The following NTRK1 variants were observed in gnomAD, a reference collection of about 807,000 sequenced individuals.
NTRK1 encodes high affinity nerve growth factor receptor.
A neutral mutation model predicts 86.8 loss-of-function variants in NTRK1; 62 were observed. That is an observed-to-expected ratio of 0.71 (90% CI 0.58 to 0.88). NTRK1 has a LOEUF of 0.88. Among genes scored for constraint, NTRK1 ranks in the 40% least tolerant of loss-of-function variants. NTRK1 has a pLI of 0.00. For missense variants in NTRK1, 967 were observed against 1,078.4 expected (o/e 0.90, Z 1.45); for synonymous variants, 469 against 456.6 (o/e 1.03, Z -0.35).
At chr1:156,836,911 T>C (rs1207861272) in intron 1 of NTRK1, among the ~76,000 whole-genome samples, 2 of 152,148 alleles carry the variant, frequency 1.3e-5, no homozygotes, top group Non-Finnish European at 2.9e-5. Context: ...GGAGTCTAGA[T>C]CTCCTGGCTT....
intron 1 of NTRK1, among the ~76,000 whole-genome samples, chr1:156,822,963 A>C (rs1654227235): frequency 6.6e-6 from 1 of 152,226 alleles, no homozygotes; most frequent in African/African-American, 2.4e-5. Context: ...TGATGATCCC[A>C]GCCAGTATAG....
intron 6 of NTRK1, among the ~76,000 whole-genome samples, chr1:156,870,565 G>A (rs1366091245): frequency 6.6e-6 from 1 of 152,162 alleles, no homozygotes; most frequent in Admixed American, 6.5e-5. Flanking sequence ...CGAAGTGGCT[G>A]GAACCCAGAG....
intron 2 of NTRK1, among the ~76,000 whole-genome samples, chr1:156,855,212 T>TATCTATC (rs60194471): frequency 0.074 from 2,116 of 28,428 alleles, 17 homozygotes; most frequent in African/African-American, 0.1. Context: ...ATCTATCTAT[T>TATCTATC]TATTTATTTG....
chr1:156,876,198 G>T lies in NTRK1; in HGVS notation c.1620G>T (p.Leu540=), dbSNP rs758492780. The change falls in exon 13 of 17, where the codon CTG becomes CTT. Residue 540 remains leucine (L), a synonymous_variant. Coordinates refer to ENST00000524377, the MANE Select transcript of NTRK1 (RefSeq NM_002529.4). ...TCCTGCCTGAGCAGGACAAGATGCT[G>T]GTGGCTGTCAAGGTGAGACCCTGCC... The part of the protein sequence containing the change: ...HNLLPEQDKM[L]VAVKALKEAS... 7 of 1,613,986 alleles carry T rather than the reference G, an allele frequency of 4.3e-6. No homozygotes were observed. Among genetic ancestry groups the T allele is most frequent in the Non-Finnish European group, 5.9e-6 (7 of 1,180,030 alleles).
At chr1:156,819,729 G>C (rs2102831782) in intron 1 of NTRK1, among the ~76,000 whole-genome samples, 1 of 152,000 alleles carries the variant, frequency 6.6e-6, no homozygotes, top group East Asian at 1.9e-4. Context: ...ATGTTGGTCA[G>C]GCTGGTCTGG....
At chr1:156,858,034 T>C (rs1460875218), upstream of NTRK1, among the ~76,000 whole-genome samples, 1 of 152,128 alleles carries the variant, frequency 6.6e-6, no homozygotes, top group Admixed American at 6.5e-5. Context: ...CTGTAGGGAT[T>C]GGGCCCTAAG....
intron 1 of NTRK1, among the ~76,000 whole-genome samples, chr1:156,817,262 C>T (rs954996856): frequency 7.2e-5 from 11 of 151,858 alleles, no homozygotes; most frequent in Admixed American, 1.3e-4. Context: ...GTGGGTCAGA[C>T]TTCTGGAAGG....
rs749041981 is a variant in NTRK1, at chr1:156,881,634, C to T, written c.2383C>T (p.Leu795=). The T allele has an allele frequency of 3.7e-6, 6 of 1,606,066 alleles. No individual in the cohort carries two copies. Among genetic ancestry groups the T allele is most frequent in the Admixed American group, 3.4e-5 (2 of 59,046 alleles). The change falls in exon 17 of 17, where the codon CTG becomes TTG. Residue 795 remains leucine (L), a synonymous_variant. Coordinates refer to ENST00000524377, the MANE Select transcript of NTRK1 (RefSeq NM_002529.4). ...AQAPPVYLDV[L]G ...GGCACCTCCTGTCTACCTGGATGTCCTGGGCTAGGGGGCCGGCCCAGGGGC... is the reference window on the plus strand; with the variant it reads ...GGCACCTCCTGTCTACCTGGATGTCTTGGGCTAGGGGGCCGGCCCAGGGGC...
intron 1 of NTRK1, among the ~76,000 whole-genome samples, chr1:156,833,961 G>C (rs183706911): frequency 3.7e-4 from 57 of 152,264 alleles, no homozygotes; most frequent in Admixed American, 2.6e-3. Flanking sequence ...CCCCAGCCTA[G>C]GGGAGTTAGC....
upstream of NTRK1, chr1:156,860,748 G>T (rs1655598041): frequency 8.9e-7 from 1 of 1,124,616 alleles, no homozygotes; most frequent in Non-Finnish European, 1.2e-6. Flanking sequence ...AGAGGGGGGG[G>T]CGTCAGAGAG....
intron 7 of NTRK1, among the ~76,000 whole-genome samples, chr1:156,872,822 C>T (rs1293447629): frequency 6.6e-6 from 1 of 151,880 alleles, no homozygotes; most frequent in Non-Finnish European, 1.5e-5. Flanking sequence ...ACTACAGGCG[C>T]CCTCCACCAC....
chr1:156,844,031 T>C, intron 2 of NTRK1: 1 of 636,478 alleles, frequency 1.6e-6, no homozygotes, highest in Non-Finnish European at 2.8e-6. Flanking sequence ...GAGAGGTATG[T>C]TTCCTCTGTG....
At chr1:156,824,215 TGG>T (rs201922276) in intron 1 of NTRK1, among the ~76,000 whole-genome samples, 6,372 of 152,264 alleles carry the variant, frequency 0.042, 188 homozygotes, top group African/African-American at 0.068. Context: ...ATGTGCAAAG[TGG>T]GGAGTGCAAA....
chr1:156,864,373 C>G lies in NTRK1; in HGVS notation c.232C>G (p.His78Asp). 6.2e-7 allele frequency: 1 copy of G among 1,614,188 alleles called. No homozygotes were observed. The highest frequency in any genetic ancestry group is 8.5e-7 in the Non-Finnish European group (1 of 1,180,028). ...CCACAGCTACATCGAGAACCAGCAGCATCTGCAGCATCTGGAGCTCCGTGA... is the reference window on the plus strand; with the variant it reads ...CCACAGCTACATCGAGAACCAGCAGGATCTGCAGCATCTGGAGCTCCGTGA... Reference protein sequence around the residue: ...LTELYIENQQHLQHLELRDLR... With the variant: ...LTELYIENQQDLQHLELRDLR... The change falls in exon 2 of 17, where the codon CAT (histidine) becomes GAT (aspartate). Residue 78 changes from histidine (H) to aspartate (D), a missense_variant. Physicochemically the swap from His to Asp is moderately conservative, Grantham distance 81 (BLOSUM62 -1). Around this residue, in one of 2 missense-constraint regions of NTRK1, gnomAD observed 330 missense variants for 302.0 expected, o/e 1.09. Coordinates refer to ENST00000524377, the MANE Select transcript of NTRK1 (RefSeq NM_002529.4).
At chr1:156,867,700 G>T (rs1236413080) in intron 4 of NTRK1, among the ~76,000 whole-genome samples, 1 of 147,078 alleles carries the variant, frequency 6.8e-6, no homozygotes, top group Non-Finnish European at 1.5e-5. Context: ...ACGGAGTCTC[G>T]CTCTGTCACC....
At chr1:156,881,356 T>C (rs1648246051) in intron 16 of NTRK1, 101 bp from the exon 17 acceptor site, 1 of 1,172,686 alleles carries the variant, frequency 8.5e-7, no homozygotes, top group Non-Finnish European at 1.2e-6. Flanking sequence ...AGACGAGTAG[T>C]GTGAGCTGCC....
At chr1:156,840,824 G>A (rs1387481279) in intron 1 of NTRK1, 3 of 1,424,454 alleles carry the variant, frequency 2.1e-6, no homozygotes, top group Admixed American at 1.8e-5. Flanking sequence ...CAGAGGTCGG[G>A]TCCCTTCCTG....
At chr1:156,861,215 C>A (rs1446590679) in intron 1 of NTRK1, 69 bp downstream of exon 1, 4 of 1,497,650 alleles carry the variant, frequency 2.7e-6, no homozygotes, top group Admixed American at 2.0e-5. Context: ...AGGGCGCGGA[C>A]TCGCTGCTTG....
intron 1 of NTRK1, chr1:156,842,064 G>A: frequency 6.2e-7 from 1 of 1,610,602 alleles, no homozygotes; most frequent in Non-Finnish European, 8.5e-7. Flanking sequence ...GCTTAAGGGA[G>A]TCTCTCTACT....
Sources: gnomAD v4.1 joint callset for allele counts (sites outside exome capture counted in the v4.1 genomes callset) on GRCh38, gnomAD v4.1.1 for gene constraint, gnomAD v4.1.1 regional missense constraint, MANE v1.5 for transcripts, NCBI Gene and HGNC (gene_info 2026-07-23, HGNC 2026-07-21) for gene names.